The following UNC79 variants were observed in gnomAD, a reference collection of about 807,000 sequenced individuals.
UNC79 encodes the protein unc-79 subunit of NALCN channel complex.
A neutral mutation model predicts 283.1 loss-of-function variants in UNC79; 37 were observed. The observed-to-expected ratio is 0.13, with a 90% CI of 0.10 to 0.17. The LOEUF (loss-of-function observed/expected upper bound fraction) is 0.17. Ranked by LOEUF, UNC79 falls within the 10% of genes least tolerant of loss-of-function variation. The probability of loss-of-function intolerance (pLI) is 1.00; values close to 1 mark genes in which losing one functional copy is unlikely to be tolerated. For synonymous variants in UNC79, 1,107 were observed against 1,200.2 expected, an observed-to-expected ratio of 0.92 and a Z score of 1.61; for missense variants, 2,272 against 3,211.1, an observed-to-expected ratio of 0.71 and a Z score of 7.07.
rs80348170 is a variant in UNC79, at chr14:93,606,033, A to T, written c.3754+2615A>T. Among the ~76,000 whole-genome samples, 5 of 152,362 alleles carry T rather than the reference A, an allele frequency of 3.3e-5. No homozygotes were observed. In the East Asian group the frequency reaches 9.6e-4, roughly 29 times the overall value. On this transcript the variant is annotated intron_variant, in intron 26 of 48. Coordinates refer to ENST00000555664, the Ensembl canonical transcript of UNC79. The stretch of plus-strand genomic sequence containing the variant: ...AAGCTTCATTAGAAATATGAAATCC[A>T]TGCAGTTCCCCTTCAGTGAGGCATT...
At chr14:93,536,129 A>G (rs1191306543) in intron 11 of UNC79, among the ~76,000 whole-genome samples, 2 of 152,226 alleles carry the variant, frequency 1.3e-5, no homozygotes, top group Non-Finnish European at 2.9e-5. Context: ...CTAACATGCA[A>G]TAGTGATACA....
chr14:93,475,891 G>A (rs748831002), intron 3 of UNC79, among the ~76,000 whole-genome samples: 1 of 152,180 alleles, frequency 6.6e-6, no homozygotes, highest in Non-Finnish European at 1.5e-5. Flanking sequence ...GCTGTTTTGT[G>A]ACTTTGTGAC....
chr14:93,521,415 T>C (rs570578276), intron 7 of UNC79, among the ~76,000 whole-genome samples: 2 of 152,106 alleles, frequency 1.3e-5, no homozygotes, highest in South Asian at 4.1e-4. Flanking sequence ...TCCCTCTTCC[T>C]TCATACTCTA....
intron 39 of UNC79, among the ~76,000 whole-genome samples, chr14:93,659,492 A>G (rs980598822): frequency 2.0e-5 from 3 of 152,124 alleles, no homozygotes; most frequent in East Asian, 1.9e-4. Context: ...ATGCCCCCCA[A>G]TCCATCCCCC....
rs2067094230 is a variant in UNC79 at position 93,621,026 on chromosome 14, A to G, written c.4388-595A>G. On this transcript the variant is annotated intron_variant, in intron 29 of 48. Coordinates refer to ENST00000555664, the Ensembl canonical transcript of UNC79. The surrounding 1 kb of genome is among the most constrained non-coding windows in gnomAD (Gnocchi z 4.8). ...AATGGTGAAATATCAGCCGGTTGAG[A>G]TGAATGTTCAGAGAAGTATGAATTT... The G allele has an allele frequency of 1.9e-6, 1 of 517,282 alleles. No individual in the cohort carries two copies. The allele number at this position is 517,282 out of a possible 1,614,324, so 32.0% of individuals were successfully genotyped here.
intron 26 of UNC79, 57 bp downstream of exon 27, chr14:93,605,018 G>A: frequency 7.3e-6 from 11 of 1,513,770 alleles, no homozygotes; most frequent in Non-Finnish European, 9.7e-6. Context: ...GGTGGACAAG[G>A]TAGAGAATGC....
Position 93,570,199 on chromosome 14 carries a change from T to C in UNC79, c.1756-1695T>C, listed in dbSNP as rs573925638. On this transcript the variant is annotated intron_variant, in intron 14 of 48. Transcript: ENST00000555664. ...CCTGGCCTCAGGCGATCTTTTTGCCTCAGCCTAGAACAGTTATTTTTTTAA... is the reference window on the plus strand; with the variant it reads ...CCTGGCCTCAGGCGATCTTTTTGCCCCAGCCTAGAACAGTTATTTTTTTAA... 1.0e-3 allele frequency among the ~76,000 whole-genome samples: 152 copies of C among 152,300 alleles called. 1 individual carries two copies. The highest frequency in any genetic ancestry group is 3.5e-3 in the African/African-American group (147 of 41,552).
intron 1 of UNC79, among the ~76,000 whole-genome samples, chr14:93,434,080 G>A (rs576368697): frequency 1.1e-4 from 17 of 152,080 alleles, no homozygotes; most frequent in Non-Finnish European, 2.2e-4. Context: ...TGGCATGGTG[G>A]TGCATGTCTG....
intron 31 of UNC79, among the ~76,000 whole-genome samples, chr14:93,632,088 A>G (rs558642454): frequency 1.3e-5 from 2 of 152,352 alleles, no homozygotes; most frequent in African/African-American, 2.4e-5. Flanking sequence ...CTAAAGTCAA[A>G]TATCTACTAA....
intron 34 of UNC79, among the ~76,000 whole-genome samples, chr14:93,644,746 T>A (rs2069413253): frequency 6.6e-6 from 1 of 152,152 alleles, no homozygotes; most frequent in African/African-American, 2.4e-5. Flanking sequence ...AATGAAAAAA[T>A]GTTGACTTCA....
rs1395573517 is a variant in UNC79 at position 93,569,265 on chromosome 14, G to A, written c.1756-2629G>A. ...ATCCTGGCCAACATGGTGAAACCCC[G>A]TCTCTACTAAAAATACAAAAATTAG... On this transcript the variant is annotated intron_variant, in intron 14 of 48. Coordinates refer to ENST00000555664, the Ensembl canonical transcript of UNC79. 5.9e-5 allele frequency among the ~76,000 whole-genome samples: 9 copies of A among 152,046 alleles called. No homozygotes were observed. In the South Asian group the frequency reaches 8.3e-4, roughly 14 times the overall value.
chr14:93,693,356 C>T (rs2074847520), intron 46 of UNC79, among the ~76,000 whole-genome samples: 1 of 152,104 alleles, frequency 6.6e-6, no homozygotes, highest in African/African-American at 2.4e-5. Flanking sequence ...AAAAATGTTC[C>T]TTCTATCATT....
chr14:93,406,952 C>T (rs77455536), intron 1 of UNC79, among the ~76,000 whole-genome samples: 2,984 of 152,230 alleles, frequency 0.02, 94 homozygotes, highest in African/African-American at 0.069. Context: ...CAGATGGAAG[C>T]CCTAGATAGT....
At chr14:93,683,145 A>G (rs879402967) in intron 42 of UNC79, among the ~76,000 whole-genome samples, 1 of 150,510 alleles carries the variant, frequency 6.6e-6, no homozygotes, top group Admixed American at 6.6e-5. Flanking sequence ...TTTTTTTTTT[A>G]AGGGTTCTTG....
In UNC79 at chr14:93,610,657, C is replaced by T. The variant is rs531592917; in HGVS notation, c.3755-2140C>T. On this transcript the variant is annotated intron_variant, in intron 26 of 48. Transcript: ENST00000555664. Reference sequence around the variant, plus strand: ...ACAAGGTCTTGCTTTGTTGCCCAGGCTGGAGTAGAGTGGCATGATCACAGC... The same window carrying T: ...ACAAGGTCTTGCTTTGTTGCCCAGGTTGGAGTAGAGTGGCATGATCACAGC... Among the ~76,000 whole-genome samples the T allele has an allele frequency of 7.3e-5, 11 of 151,280 alleles. No individual in the cohort carries two copies. In the South Asian group the frequency reaches 2.1e-3, roughly 29 times the overall value.
intron 32 of UNC79, among the ~76,000 whole-genome samples, chr14:93,637,579 C>T (rs1014932138): frequency 1.3e-5 from 2 of 152,094 alleles, no homozygotes; most frequent in African/African-American, 4.8e-5. Context: ...CCCAGCCTCC[C>T]GAGGAGTAGC....
chr14:93,387,334 G>GT (rs1007187786), intron 1 of UNC79, among the ~76,000 whole-genome samples: 2 of 151,594 alleles, frequency 1.3e-5, no homozygotes, highest in Non-Finnish European at 2.9e-5. Flanking sequence ...TCATTAGGTG[G>GT]TTTTTTTGAA....
intron 29 of UNC79, among the ~76,000 whole-genome samples, chr14:93,620,174 G>A (rs1000309934): frequency 2.6e-5 from 4 of 152,224 alleles, no homozygotes; most frequent in African/African-American, 4.8e-5. Context: ...CATGAGATCC[G>A]TAATAGTTAC....
Position 93,393,232 on chromosome 14 carries a change from A to G in UNC79, c.-351+59709A>G, listed in dbSNP as rs117710216. 4.8e-3 allele frequency among the ~76,000 whole-genome samples: 738 copies of G among 152,356 alleles called. 4 individuals are homozygous for G. Among genetic ancestry groups the G allele is most frequent in the Admixed American group, 6.4e-3 (98 of 15,306 alleles). ...TCTAATTGCTGCTCAAAGATCCTGCATGTCAACACTGTTTCATTAGCAGTT... is the reference window on the plus strand; with the variant it reads ...TCTAATTGCTGCTCAAAGATCCTGCGTGTCAACACTGTTTCATTAGCAGTT... On this transcript the variant is annotated intron_variant, in intron 1 of 49. Coordinates refer to the UNC79 transcript ENST00000256339.
Sources: allele counts gnomAD v4.1 joint callset (sites outside exome capture counted in the v4.1 genomes callset), GRCh38; gene constraint gnomAD v4.1.1; non-coding constraint Gnocchi (gnomAD v3.1); transcripts MANE v1.5; gene names NCBI Gene and HGNC (gene_info 2026-07-23, HGNC 2026-07-21).